Variants in KIDINS220 observed in about 807,000 individuals in gnomAD.
KIDINS220 encodes the protein kinase D-interacting substrate of 220 kDa.
Under a neutral mutation model 157.6 loss-of-function variants are expected in KIDINS220, and 63 were observed. The observed-to-expected ratio is 0.40, with a 90% CI of 0.33 to 0.49. KIDINS220 has a LOEUF of 0.49. KIDINS220 is among the 20% of genes least tolerant of loss of function. KIDINS220 has a pLI of 0.66. For missense variants in KIDINS220, 1,772 were observed against 2,171.2 expected (o/e 0.82, Z 3.65); for synonymous variants, 732 against 783.6 (o/e 0.93, Z 1.10).
chr2:8,748,956 G>C (rs552639199), intron 24 of KIDINS220, among the ~76,000 whole-genome samples: 3 of 152,028 alleles, frequency 2.0e-5, no homozygotes, highest in Admixed American at 2.0e-4. Context: ...TTTTCAGTTG[G>C]TATCAACGGA....
intron 9 of KIDINS220, among the ~76,000 whole-genome samples, chr2:8,798,862 A>G (rs1443775686): frequency 6.6e-6 from 1 of 152,180 alleles, no homozygotes; most frequent in Non-Finnish European, 1.5e-5. Flanking sequence ...AGAACAACAA[A>G]AAAACGAACT....
At chr2:8,808,275 C>G (rs1260034424) in intron 6 of KIDINS220, among the ~76,000 whole-genome samples, 1 of 152,190 alleles carries the variant, frequency 6.6e-6, no homozygotes, top group Admixed American at 6.5e-5. Flanking sequence ...CCTAACTTTA[C>G]AATATCAATA....
At chr2:8,765,676 G>A (rs1027472582) in intron 22 of KIDINS220, among the ~76,000 whole-genome samples, 4 of 152,116 alleles carry the variant, frequency 2.6e-5, no homozygotes, top group African/African-American at 7.2e-5. Flanking sequence ...ATGCCACAAT[G>A]TGCTATTTCT....
At chr2:8,823,914 T>C (rs2148422184) in intron 2 of KIDINS220, among the ~76,000 whole-genome samples, 1 of 152,226 alleles carries the variant, frequency 6.6e-6, no homozygotes, top group South Asian at 2.1e-4. Flanking sequence ...ATATATTTTG[T>C]TCAATATAGA....
chr2:8,740,909 C>T (rs1665533610), intron 26 of KIDINS220, among the ~76,000 whole-genome samples: 1 of 152,130 alleles, frequency 6.6e-6, no homozygotes, highest in Non-Finnish European at 1.5e-5. Context: ...GCAATTTGTA[C>T]CAAAGTTAAT....
intron 1 of KIDINS220, among the ~76,000 whole-genome samples, chr2:8,831,862 G>A (rs576115766): frequency 6.6e-6 from 1 of 152,234 alleles, no homozygotes; most frequent in South Asian, 2.1e-4. Context: ...AGGATATGAA[G>A]ACAAAAATAA....
rs1400191552 is a variant in KIDINS220 at position 8,730,537 on chromosome 2, T to C, written c.*183A>G. On this transcript the variant is annotated 3_prime_UTR_variant, in exon 30 of 30. Transcript: ENST00000256707. ...AATTACAAAGACCACAGAGGCTGGC[T>C]GGTGAGCCATGCTTCTCATGCTCCC... 9.1e-6 allele frequency: 13 copies of C among 1,427,894 alleles called. No homozygotes were observed. Among genetic ancestry groups the C allele is most frequent in the Non-Finnish European group, 1.2e-5 (13 of 1,098,388 alleles). The allele number at this position is 1,427,894 out of a possible 1,614,324, so 88.5% of individuals were successfully genotyped here.
Position 8,747,941 on chromosome 2 carries a change from G to C in KIDINS220, c.3474C>G (p.Leu1158=). The change falls in exon 25 of 30, where the codon CTC becomes CTG. Residue 1158 remains leucine, a synonymous_variant. Transcript: ENST00000256707. ...PRYYPGGSQH[L]ISRPSVKTSL... ...TCGTTTTTACTGATGGACGTGAGAT[G>C]AGATGTTGGGAGCCGCCAGGGTAAT... 7 of 1,606,578 alleles carry C rather than the reference G, an allele frequency of 4.4e-6. No homozygotes were observed. The highest frequency in any genetic ancestry group is 5.9e-6 in the Non-Finnish European group (7 of 1,177,002).
chr2:8,763,063 A>G (rs1017622090), intron 22 of KIDINS220, among the ~76,000 whole-genome samples: 2 of 152,228 alleles, frequency 1.3e-5, no homozygotes, highest in African/African-American at 2.4e-5. Flanking sequence ...TGATACCCTA[A>G]TAAGTTATTC....
At chr2:8,813,208 TACAA>T in intron 5 of KIDINS220, 25 bp downstream of exon 5, 1 of 1,543,920 alleles carries the variant, frequency 6.5e-7, no homozygotes, top group Non-Finnish European at 8.9e-7. Flanking sequence ...CCACTTATAA[TACAA>T]ACAAATTTTT....
intron 9 of KIDINS220, among the ~76,000 whole-genome samples, chr2:8,798,714 A>C (rs1411523637): frequency 6.6e-6 from 1 of 152,206 alleles, no homozygotes; most frequent in African/African-American, 2.4e-5. Flanking sequence ...TACTTCACAA[A>C]TATAAGGCAT....
chr2:8,788,702 T>C lies in KIDINS220; in HGVS notation c.1732A>G (p.Met578Val). ...GGCAACTCAGGTGGATTCACAAACA[T>C]CAATTTAAGGAGGAGTTCCAAATAT... ...IGYLELLLKL[M>V]FVNPPELPEQ... The change falls in exon 15 of 30, where the codon ATG (methionine) becomes GTG (valine). Residue 578 changes from methionine (M) to valine (V), a missense_variant. By Grantham distance (21) the Met-to-Val change is conservative. This residue lies in a region of KIDINS220 where 725 missense variants were observed against 1,017.1 expected (regional missense o/e 0.71). Transcript: ENST00000256707. 1 of 1,614,216 alleles carries C rather than the reference T, an allele frequency of 6.2e-7. No individual in the cohort carries two copies. The highest frequency in any genetic ancestry group is 8.5e-7 in the Non-Finnish European group (1 of 1,180,010).
rs1179115472 is a variant in KIDINS220, at chr2:8,789,983, C to T, written c.1518G>A (p.Leu506=). 5 of 1,613,704 alleles carry T rather than the reference C, an allele frequency of 3.1e-6. No homozygotes were observed. Among genetic ancestry groups the T allele is most frequent in the Non-Finnish European group, 4.2e-6 (5 of 1,179,824 alleles). ...QFSWLIVFLT[L]LLCGGLGLLF... ...ATAAACCAAGCCCTCCACAAAGTAG[C>T]AGGGTAAGAAACACTATGAGCCATG... Residue 506 remains leucine, a synonymous_variant, in exon 14 of 30, where the codon CTG becomes CTA. Coordinates refer to ENST00000256707, the MANE Select transcript of KIDINS220 (RefSeq NM_020738.4).
chr2:8,762,696 G>A (rs989448318), intron 22 of KIDINS220, among the ~76,000 whole-genome samples: 5 of 151,868 alleles, frequency 3.3e-5, no homozygotes, highest in African/African-American at 7.3e-5. Flanking sequence ...CCGAGATCGC[G>A]CCACTGCACT....
At chr2:8,772,516 T>G (rs986664371) in intron 21 of KIDINS220, among the ~76,000 whole-genome samples, 2 of 151,842 alleles carry the variant, frequency 1.3e-5, no homozygotes, top group Non-Finnish European at 2.9e-5. Flanking sequence ...AAGTAAATAT[T>G]CTATCCTAAG....
intron 22 of KIDINS220, among the ~76,000 whole-genome samples, chr2:8,761,414 T>C (rs1323265126): frequency 1.3e-5 from 2 of 152,196 alleles, no homozygotes; most frequent in Non-Finnish European, 2.9e-5. Context: ...TTAATATTTT[T>C]ATATCTAAAT....
chr2:8,759,686 G>A (rs1433688652), intron 22 of KIDINS220, among the ~76,000 whole-genome samples: 1 of 151,588 alleles, frequency 6.6e-6, no homozygotes, highest in Non-Finnish European at 1.5e-5. Flanking sequence ...CTTCATTCAT[G>A]TCTACGACGT....
chr2:8,761,806 G>A (rs1430255740), intron 22 of KIDINS220, among the ~76,000 whole-genome samples: 1 of 152,132 alleles, frequency 6.6e-6, no homozygotes, highest in South Asian at 2.1e-4. Context: ...CTGCAGCATG[G>A]TTTTACACCA....
In KIDINS220 at chr2:8,746,126, G is replaced by A. The variant is rs188351341; in HGVS notation, c.3585+1019C>T. Among the ~76,000 whole-genome samples the A allele has an allele frequency of 7.9e-3, 1,136 of 144,598 alleles. 9 individuals are homozygous for A. The highest frequency in any genetic ancestry group is 0.014 in the Admixed American group (204 of 14,580). The allele number at this position is 144,598 out of a possible 152,430, so 94.9% of individuals were successfully genotyped here. The stretch of plus-strand genomic sequence containing the variant: ...TAATTTTTTTTTTTTTTTTGAGACC[G>A]AGTCTCGCTCTTGTTGCCGAGGCTG... On this transcript the variant is annotated intron_variant, in intron 26 of 29. Transcript: ENST00000256707.
Sources: allele counts gnomAD v4.1 joint callset (sites outside exome capture counted in the v4.1 genomes callset), GRCh38; gene constraint gnomAD v4.1.1; regional missense constraint gnomAD v4.1.1; transcripts MANE v1.5; gene names NCBI Gene and HGNC (gene_info 2026-07-23, HGNC 2026-07-21).